Variants in TRIM49B observed in about 807,000 individuals in gnomAD.
The protein encoded by TRIM49B is putative tripartite motif-containing protein 49B.
A neutral mutation model predicts 31.8 loss-of-function variants in TRIM49B; 18 were observed. The observed-to-expected ratio is 0.57, with a 90% confidence interval of 0.39 to 0.84. The LOEUF is 0.84. Ranked by LOEUF, TRIM49B falls within the 40% of genes least tolerant of loss-of-function variation. TRIM49B has a pLI of 0.00. For missense variants in TRIM49B, 494 were observed against 538.7 expected (o/e 0.92, Z 0.82); for synonymous variants, 196 against 180.6 (o/e 1.09, Z -0.68).
intron 1 of TRIM49B, 109 bp from the exon 2 acceptor site, chr11:49,031,487 T>C (rs1854444607): frequency 3.9e-6 from 6 of 1,522,460 alleles, no homozygotes; most frequent in Non-Finnish European, 5.3e-6. Flanking sequence ...TGTTGTACTT[T>C]AATGAACACT....
chr11:49,029,708 T>C (rs1854421963), intron 1 of TRIM49B, among the ~76,000 whole-genome samples: 1 of 152,236 alleles, frequency 6.6e-6, no homozygotes, highest in African/African-American at 2.4e-5. Context: ...TTATAGTTTT[T>C]ATATTAGTCA....
chr11:49,031,529 C>T, intron 1 of TRIM49B, 67 bp from the exon 2 acceptor site: 2 of 1,582,692 alleles, frequency 1.3e-6, no homozygotes, highest in Admixed American at 3.7e-5. Flanking sequence ...TATCACATAT[C>T]TCCACATGTT....
At position 49,031,945 on chromosome 11, in the gene TRIM49B, T is replaced by G. The variant is rs1300600284; in HGVS notation, c.346T>G (p.Ser116Ala). 6.2e-7 allele frequency: 1 copy of G among 1,611,944 alleles called. No homozygotes were observed. The highest frequency in any genetic ancestry group is 8.5e-7 in the Non-Finnish European group (1 of 1,179,864). Residue 116 changes from serine to alanine, a missense_variant, in exon 2 of 7, where the codon TCC (serine) becomes GCC (alanine). By Grantham distance (99) the Ser-to-Ala change is moderately conservative. Transcript: ENST00000332682. ...CAGGAGCCTGCTCTGTTTGCTGTGC[T>G]CCAGCTCTCAGGAGCACCGGGATCA... ...VDRSLLCLLC[S>A]SSQEHRDHRH...
chr11:49,037,426 A>C, intron 6 of TRIM49B, 52 bp from the exon 7 acceptor site: 1 of 1,541,226 alleles, frequency 6.5e-7, no homozygotes, highest in Non-Finnish European at 8.7e-7. Flanking sequence ...TTGATAGACA[A>C]TTATTTTTTT....
At position 49,031,959 on chromosome 11, in the gene TRIM49B, G is replaced by T; in HGVS notation, c.360G>T (p.Glu120Asp). 6.2e-7 allele frequency: 1 copy of T among 1,612,046 alleles called. No individual in the cohort carries two copies. The highest frequency in any genetic ancestry group is 8.5e-7 in the Non-Finnish European group (1 of 1,179,862). ...LLCLLCSSSQ[E>D]HRDHRHCPIE... ...GTTTGCTGTGCTCCAGCTCTCAGGA[G>T]CACCGGGATCACAGACACTGTCCCA... The change falls in exon 2 of 7, where the codon GAG (glutamate) becomes GAT (aspartate). Residue 120 changes from glutamate to aspartate, a missense_variant. This residue lies in a region of TRIM49B where 251 missense variants were observed against 232.8 expected (regional missense o/e 1.08). Transcript: ENST00000332682.
At position 49,034,198 on chromosome 11, in the gene TRIM49B, C is replaced by T. The variant is rs768298454; in HGVS notation, c.560C>T (p.Pro187Leu). 3.1e-6 allele frequency: 5 copies of T among 1,611,722 alleles called. No homozygotes were observed. The Admixed American group carries it at 8.3e-5, about 27-fold the overall frequency. Residue 187 changes from proline to leucine, a missense_variant, in exon 4 of 7, where the codon CCT becomes CTT. Around this residue, in one of 3 missense-constraint regions of TRIM49B, gnomAD observed 251 missense variants for 232.8 expected, o/e 1.08. Coordinates refer to ENST00000332682, the MANE Select transcript of TRIM49B (RefSeq NM_001206626.2). ...ATTAGAGCTGAGTATCAGAAGATGC[C>T]TGCATTTCACCATGAAGAAGAAAAA... is the stretch of plus-strand genomic sequence containing the variant. The part of the protein sequence containing the change: ...EAIRAEYQKM[P>L]AFHHEEEKHN...
intron 5 of TRIM49B, among the ~76,000 whole-genome samples, chr11:49,035,339 A>AATTTTTTT (rs1854510364): frequency 1.8e-5 from 1 of 56,774 alleles, no homozygotes; most frequent in Non-Finnish European, 3.0e-5. Flanking sequence ...TTGATTCCTG[A>AATTTTTTT]TTTTTTTTTT....
In TRIM49B at chr11:49,037,458, GT is replaced by G. The variant is rs768031980; in HGVS notation, c.860-16del. The stretch of plus-strand genomic sequence containing the variant: ...TTTTCTTATTTACACGTCTATGCAT[GT>G]TTTCTCTTTTTTTTGCAGTGCATAT... On this transcript the variant is annotated intron_variant, in intron 6 of 6. Coordinates refer to ENST00000332682, the MANE Select transcript of TRIM49B (RefSeq NM_001206626.2). The G allele has an allele frequency of 4.4e-6, 7 of 1,604,236 alleles. No homozygotes were observed. The highest frequency in any genetic ancestry group is 6.0e-6 in the Non-Finnish European group (7 of 1,176,248).
intron 5 of TRIM49B, among the ~76,000 whole-genome samples, chr11:49,035,654 G>A (rs1590636255): frequency 2.0e-5 from 3 of 151,942 alleles, no homozygotes; most frequent in Non-Finnish European, 2.9e-5. Flanking sequence ...CACCGCGCCC[G>A]GCCCCTGATT....
Position 49,031,866 on chromosome 11 carries a change from G to T in TRIM49B, c.267G>T (p.Glu89Asp), listed in dbSNP as rs764577690. The T allele has an allele frequency of 1.9e-6, 3 of 1,613,780 alleles. No individual in the cohort carries two copies. Among genetic ancestry groups the T allele is most frequent in the Non-Finnish European group, 2.5e-6 (3 of 1,179,878 alleles). ...GTCTCTGGCTATTCCTGAGCTCTGA[G>T]GAGCAAATGTGTGGCACTCACAGGG... ...KVSLWLFLSS[E>D]EQMCGTHRET... is the part of the protein sequence containing the mutation. Residue 89 changes from glutamate (E) to aspartate (D), a missense_variant, in exon 2 of 7, where the codon GAG (glutamate) becomes GAT (aspartate). Physicochemically the swap from Glu to Asp is conservative, Grantham distance 45. This residue lies in a region of TRIM49B where 251 missense variants were observed against 232.8 expected (regional missense o/e 1.08). Coordinates refer to ENST00000332682, the MANE Select transcript of TRIM49B (RefSeq NM_001206626.2).
rs866776995 is a variant in TRIM49B at position 49,032,509 on chromosome 11, A to C, written c.507+138A>C. On this transcript the variant is annotated intron_variant, in intron 3 of 6. Coordinates refer to ENST00000332682, the MANE Select transcript of TRIM49B (RefSeq NM_001206626.2). ...AAAGAAAAAAAAAGCGAGAGAAAACATTGAGAAAAAGTGGCCTCATTTTTA... is the reference window on the plus strand; with the variant it reads ...AAAGAAAAAAAAAGCGAGAGAAAACCTTGAGAAAAAGTGGCCTCATTTTTA... 85 of 1,498,634 alleles carry C rather than the reference A, an allele frequency of 5.7e-5. 1 individual carries two copies. In the Middle Eastern group the frequency reaches 9.5e-4, roughly 17 times the overall value. 92.8% of individuals were successfully genotyped at this position (1,498,634 alleles called of 1,614,324 possible).
chr11:49,037,269 G>C (rs535836894), intron 6 of TRIM49B, among the ~76,000 whole-genome samples: 11 of 111,578 alleles, frequency 9.9e-5, no homozygotes, highest in African/African-American at 3.9e-4. Context: ...CTCACATTTG[G>C]CTCTCAATAT....
intron 2 of TRIM49B, 123 bp from the exon 3 acceptor site, chr11:49,032,153 T>G (rs1393003973): frequency 6.3e-7 from 1 of 1,594,902 alleles, no homozygotes; most frequent in East Asian, 2.2e-5. Flanking sequence ...ACCTCTGGGC[T>G]TTGACAAACA....
chr11:49,031,637 T>C lies in TRIM49B; in HGVS notation c.38T>C (p.Leu13Pro), dbSNP rs1227719531. ...ATCTTACAGGTCTTTCAGAGGGAAC[T>C]CATCTGCCCCATCTGCATGAACTAC... ...SGILQVFQRE[L>P]ICPICMNYFI... Residue 13 changes from leucine to proline, a missense_variant, in exon 2 of 7, where the codon CTC becomes CCC. By Grantham distance (98) the Leu-to-Pro change is moderately conservative. Coordinates refer to ENST00000332682, the MANE Select transcript of TRIM49B (RefSeq NM_001206626.2). The C allele has an allele frequency of 1.2e-6, 2 of 1,613,814 alleles. No individual in the cohort carries two copies. Among genetic ancestry groups the C allele is most frequent in the East Asian group, 4.5e-5 (2 of 44,894 alleles).
chr11:49,034,499 A>G, intron 4 of TRIM49B, 123 bp downstream of exon 4: 1 of 1,597,212 alleles, frequency 6.3e-7, no homozygotes, highest in Non-Finnish European at 8.5e-7. Context: ...ACATTCACAT[A>G]ACTAATGCTA....
rs769306931 is a variant in TRIM49B, at chr11:49,037,866, G to C, written c.1248G>C (p.Glu416Asp). Residue 416 changes from glutamate (E) to aspartate (D), a missense_variant, in exon 7 of 7, where the codon GAG (glutamate) becomes GAC (aspartate). Around this residue, in one of 3 missense-constraint regions of TRIM49B, gnomAD observed 233 missense variants for 281.4 expected, o/e 0.83. Transcript: ENST00000332682. ...TSRVGLFLDC[E>D]AKTVSFVDVN... Reference sequence around the variant, plus strand: ...GAGTAGGATTATTCCTGGATTGTGAGGCTAAGACTGTGAGCTTTGTTGATG... The same window carrying C: ...GAGTAGGATTATTCCTGGATTGTGACGCTAAGACTGTGAGCTTTGTTGATG... 6.2e-7 allele frequency: 1 copy of C among 1,613,754 alleles called. No individual in the cohort carries two copies. The highest frequency in any genetic ancestry group is 1.3e-5 in the African/African-American group (1 of 74,882).
intron 2 of TRIM49B, 58 bp from the exon 3 acceptor site, chr11:49,032,218 G>A: frequency 6.2e-7 from 1 of 1,612,092 alleles, no homozygotes; most frequent in African/African-American, 1.3e-5. Context: ...CTCTCATTCT[G>A]GGGCCCCTCC....
chr11:49,032,960 T>C (rs1220762269), intron 3 of TRIM49B, among the ~76,000 whole-genome samples: 4 of 152,112 alleles, frequency 2.6e-5, no homozygotes, highest in Non-Finnish European at 4.4e-5. Context: ...GCCAGAAATA[T>C]GGGAACTAGT....
chr11:49,032,087 A>C (rs1227848214), intron 2 of TRIM49B, 77 bp downstream of exon 2: 1 of 1,609,324 alleles, frequency 6.2e-7, no homozygotes, highest in Non-Finnish European at 8.5e-7. Flanking sequence ...TGGAGATTGG[A>C]TAAAACAAAC....
Sources: gnomAD v4.1 joint callset for allele counts (sites outside exome capture counted in the v4.1 genomes callset) on GRCh38, gnomAD v4.1.1 for gene constraint, gnomAD v4.1.1 regional missense constraint, MANE v1.5 for transcripts, NCBI Gene and HGNC (gene_info 2026-07-23, HGNC 2026-07-21) for gene names.